Variants in ANO9 observed in about 807,000 individuals in gnomAD.
ANO9 encodes anoctamin 9.
Under a neutral mutation model 100.5 loss-of-function variants are expected in ANO9, and 80 were observed. The observed-to-expected ratio is 0.80, with a 90% CI of 0.66 to 0.96. The LOEUF (loss-of-function observed/expected upper bound fraction) is 0.96, where lower values mean the gene tolerates loss of function less well. Among genes scored for constraint, ANO9 ranks in the 40% least tolerant of loss-of-function variants. The pLI is 0.00. For missense variants in ANO9, 1,064 were observed against 1,072.7 expected (o/e 0.99, Z 0.11); for synonymous variants, 473 against 435.6 (o/e 1.09, Z -1.07).
intron 1 of ANO9, among the ~76,000 whole-genome samples, chr11:439,481 G>A (rs1406786059): frequency 7.6e-6 from 1 of 132,162 alleles, no homozygotes; most frequent in African/African-American, 3.0e-5. Context: ...CTGGCCAGGG[G>A]GTCCCATGAC....
rs1847976029 is a variant in ANO9 at position 418,549 on chromosome 11, A to C, written c.2171T>G (p.Val724Gly). 5.6e-6 allele frequency: 9 copies of C among 1,613,066 alleles called. No homozygotes were observed. The highest frequency in any genetic ancestry group is 6.8e-6 in the Non-Finnish European group (8 of 1,179,996). ...CTTCACCGACTGAGGGATGTCGGGC[A>C]CGAACCAGGCGGCGATGAGCTTGAT... ...LCIKLIAAWF[V>G]PDIPQSVKNK... The change falls in exon 23 of 23, where the codon GTG becomes GGG. Residue 724 changes from valine to glycine, a missense_variant. By Grantham distance (109) the Val-to-Gly change is moderately radical. Coordinates refer to ENST00000332826, the MANE Select transcript of ANO9 (RefSeq NM_001012302.3).
chr11:418,909 G>A lies in ANO9; in HGVS notation c.2015C>T (p.Ser672Leu). 2 of 1,613,620 alleles carry A rather than the reference G, an allele frequency of 1.2e-6. No individual in the cohort carries two copies. The highest frequency in any genetic ancestry group is 1.7e-6 in the Non-Finnish European group (2 of 1,179,922). The change falls in exon 21 of 23, where the codon TCA (serine) becomes TTA (leucine). Residue 672 changes from serine (S) to leucine (L), a missense_variant. Physicochemically the swap from Ser to Leu is moderately radical, Grantham distance 145. Transcript: ENST00000332826. ...DFQDPDGIEGSENVTLCRYRD... is the reference protein window; with the variant it reads ...DFQDPDGIEGLENVTLCRYRD... Reference sequence around the variant, plus strand: ...AAACCTGCACAGAGTCACGTTTTCTGAGCCCTCAATCCCATCAGGGTCCTG... The same window carrying A: ...AAACCTGCACAGAGTCACGTTTTCTAAGCCCTCAATCCCATCAGGGTCCTG...
Position 432,414 on chromosome 11 carries a change from A to C in ANO9, c.351-360T>G. 4 of 335,284 alleles carry C rather than the reference A, an allele frequency of 1.2e-5. No individual in the cohort carries two copies. Among genetic ancestry groups the C allele is most frequent in the South Asian group, 1.1e-4 (3 of 26,712 alleles). The allele number at this position is 335,284 out of a possible 1,614,324, so 20.8% of individuals were successfully genotyped here. On this transcript the variant is annotated intron_variant, in intron 4 of 22. Coordinates refer to ENST00000332826, the MANE Select transcript of ANO9 (RefSeq NM_001012302.3). The surrounding 1 kb of genome is among the most constrained non-coding windows in gnomAD (Gnocchi z 4.8). ...CACACCCCAGCCTGCATCCGCACAC[A>C]CCCTCCTTATACCCTGGAGCTGTTC... is the stretch of plus-strand genomic sequence containing the variant.
In ANO9 at chr11:418,410, G is replaced by T. The variant is rs780639477; in HGVS notation, c.2310C>A (p.Thr770=). The T allele has an allele frequency of 6.2e-7, 1 of 1,612,332 alleles. No homozygotes were observed. Among genetic ancestry groups the T allele is most frequent in the South Asian group, 1.1e-5 (1 of 91,066 alleles). The change falls in exon 23 of 23, where the codon ACC becomes ACA. Residue 770 remains threonine (T), a synonymous_variant. Coordinates refer to ENST00000332826, the MANE Select transcript of ANO9 (RefSeq NM_001012302.3). Reference sequence around the variant, plus strand: ...TCCTGGCACTGAAGATGGATGCTGGGGTGGGATGGGCAGGCATTGGGGGCC... The same window carrying T: ...TCCTGGCACTGAAGATGGATGCTGGTGTGGGATGGGCAGGCATTGGGGGCC... ...GSRPPMPAHP[T]PASIFSARST...
chr11:439,847 G>C (rs570476741), intron 1 of ANO9, among the ~76,000 whole-genome samples: 1 of 152,142 alleles, frequency 6.6e-6, no homozygotes, highest in South Asian at 2.1e-4. Flanking sequence ...CCCTCCAGCT[G>C]TCCAGTCTGT....
At chr11:427,206 TG>T (rs1848568264) in intron 15 of ANO9, among the ~76,000 whole-genome samples, 1 of 151,880 alleles carries the variant, frequency 6.6e-6, no homozygotes, top group South Asian at 2.1e-4. Context: ...AAAAATTAGC[TG>T]GGTGTGGTGG....
rs1848750421 is a variant in ANO9 at position 429,469 on chromosome 11, C to T, written c.915+101G>A. 59 of 1,534,032 alleles carry T rather than the reference C, an allele frequency of 3.8e-5. No homozygotes were observed. The South Asian group carries it at 6.5e-4, about 17-fold the overall frequency. ...CATGTGGGGAGACAGACTCGGGACA[C>T]ACACCTCAGACACGGCAGGCATATG... is the stretch of plus-strand genomic sequence containing the variant. On this transcript the variant is annotated intron_variant, in intron 11 of 22. Transcript: ENST00000332826.
At chr11:426,417 G>GA (rs1441915090) in intron 15 of ANO9, among the ~76,000 whole-genome samples, 1 of 151,764 alleles carries the variant, frequency 6.6e-6, no homozygotes. Flanking sequence ...ACAAAAAATA[G>GA]AAAAAATTAG....
rs1490748860 is a variant in ANO9 at position 429,647 on chromosome 11, C to T, written c.838G>A (p.Val280Met). Residue 280 changes from valine to methionine, a missense_variant, in exon 11 of 23, where the codon GTG (valine) becomes ATG (methionine). Coordinates refer to ENST00000332826, the MANE Select transcript of ANO9 (RefSeq NM_001012302.3). ...TGCCGCTTCCAGATCTCCAGGAACACCGTGGCTGCGGCGGGGGCAAGGAGG... is the reference window on the plus strand; with the variant it reads ...TGCCGCTTCCAGATCTCCAGGAACATCGTGGCTGCGGCGGGGGCAAGGAGG... ...FAIFMALWAT[V>M]FLEIWKRQRA... The T allele has an allele frequency of 8.1e-6, 13 of 1,612,628 alleles. No homozygotes were observed. Among genetic ancestry groups the T allele is most frequent in the Non-Finnish European group, 1.1e-5 (13 of 1,179,882 alleles).
rs775677119 is a variant in ANO9, at chr11:429,551, G to A, written c.915+19C>T. On this transcript the variant is annotated intron_variant, in intron 11 of 22. Transcript: ENST00000332826. ...CCCTGCTCGGGTCGGCCTCAGCTGC[G>A]CTGCCAGCTCCACCTCACCTGTTCC... 5 of 1,611,822 alleles carry A rather than the reference G, an allele frequency of 3.1e-6. No individual in the cohort carries two copies. The highest frequency in any genetic ancestry group is 2.2e-5 in the South Asian group (2 of 91,042).
At position 421,257 on chromosome 11, in the gene ANO9, G is replaced by T; in HGVS notation, c.1335-59C>A. ...GCAGCGCCCTGCCTCTGACAGGGTG[G>T]GTGCAGCAGGACAGAAGCGGGTAGG... On this transcript the variant is annotated intron_variant, in intron 15 of 22. Transcript: ENST00000332826. The surrounding 1 kb of genome is among the most constrained non-coding windows in gnomAD (Gnocchi z 6.8). The T allele has an allele frequency of 1.4e-6, 2 of 1,446,166 alleles. No homozygotes were observed. The highest frequency in any genetic ancestry group is 1.8e-6 in the Non-Finnish European group (2 of 1,091,670). The allele number at this position is 1,446,166 out of a possible 1,614,324, so 89.6% of individuals were successfully genotyped here. A position where few individuals can be genotyped will look rare whatever the true frequency, so the allele number is the denominator to read the frequency against.
Position 420,961 on chromosome 11 carries a change from C to G in ANO9, c.1474G>C (p.Val492Leu), listed in dbSNP as rs763296645. Residue 492 changes from valine to leucine, a missense_variant, in exon 17 of 23, where the codon GTC (valine) becomes CTC (leucine). By Grantham distance (32) the Val-to-Leu change is conservative (BLOSUM62 1). Coordinates refer to ENST00000332826, the MANE Select transcript of ANO9 (RefSeq NM_001012302.3). ...GGCACTCACGGGACCAGGTACTCGA[C>G]GCAGTTGCTGAGCGTCTGCTTCAGG... ...MGLKQTLSNCVEYLVPWVTHK... is the reference protein window; with the variant it reads ...MGLKQTLSNCLEYLVPWVTHK... 1 of 1,605,302 alleles carries G rather than the reference C, an allele frequency of 6.2e-7. No individual in the cohort carries two copies. The highest frequency in any genetic ancestry group is 1.1e-5 in the South Asian group (1 of 90,872).
intron 1 of ANO9, among the ~76,000 whole-genome samples, chr11:434,343 C>T (rs1052742670): frequency 2.0e-5 from 3 of 152,172 alleles, no homozygotes; most frequent in Admixed American, 6.5e-5. Flanking sequence ...AAAGGGAAGA[C>T]GCAGCCCACA....
At chr11:427,639 G>A (rs565004511) in intron 15 of ANO9, among the ~76,000 whole-genome samples, 1 of 152,216 alleles carries the variant, frequency 6.6e-6, no homozygotes, top group South Asian at 2.1e-4. Context: ...GACCCAGGAG[G>A]TCAAGACTGC....
At position 418,739 on chromosome 11, in the gene ANO9, G is replaced by A. The variant is rs750166102; in HGVS notation, c.2111C>T (p.Ala704Val). The A allele has an allele frequency of 6.2e-7, 1 of 1,613,020 alleles. No homozygotes were observed. The highest frequency in any genetic ancestry group is 8.5e-7 in the Non-Finnish European group (1 of 1,180,014). ...GCTCACCTCAAAGAGGATGACGAAG[G>A]CCAGGCGGATGGCCAGGAGGAACCA... ...QFWFLLAIRLAFVILFEHVAL... is the reference protein window; with the variant it reads ...QFWFLLAIRLVFVILFEHVAL... Residue 704 changes from alanine (A) to valine (V), a missense_variant, in exon 22 of 23, where the codon GCC (alanine) becomes GTC (valine). Ala to Val is a moderately conservative substitution (Grantham distance 64). Coordinates refer to ENST00000332826, the MANE Select transcript of ANO9 (RefSeq NM_001012302.3).
rs1848743993 is a variant in ANO9, at chr11:429,392, G to A, written c.915+178C>T. 36 of 1,422,416 alleles carry A rather than the reference G, an allele frequency of 2.5e-5. No homozygotes were observed. In the South Asian group the frequency reaches 4.6e-4, roughly 18 times the overall value. The allele number at this position is 1,422,416 out of a possible 1,614,324, so 88.1% of individuals were successfully genotyped here. A position where few individuals can be genotyped will look rare whatever the true frequency, so the allele number is the denominator to read the frequency against. ...GGGACACTCACCCCACACGTGGGGAGACAGACACAGGGACACGCCTCACAG... is the reference window on the plus strand; with the variant it reads ...GGGACACTCACCCCACACGTGGGGAAACAGACACAGGGACACGCCTCACAG... On this transcript the variant is annotated intron_variant, in intron 11 of 22. Coordinates refer to ENST00000332826, the MANE Select transcript of ANO9 (RefSeq NM_001012302.3).
At chr11:441,158 G>A (rs1371452498) in intron 1 of ANO9, among the ~76,000 whole-genome samples, 1 of 152,142 alleles carries the variant, frequency 6.6e-6, no homozygotes, top group Admixed American at 6.5e-5. Context: ...CAGCCCACAC[G>A]TGGAGGCCCT....
In ANO9 at chr11:421,204, G is replaced by C; in HGVS notation, c.1335-6C>G. 1 of 1,539,294 alleles carries C rather than the reference G, an allele frequency of 6.5e-7. No homozygotes were observed. Among genetic ancestry groups the C allele is most frequent in the Non-Finnish European group, 8.8e-7 (1 of 1,140,278 alleles). ...TCCCGGGGTGGCCGTTGATCCTGGG[G>C]AGGAAGGGGAAGTCTGGGGCACTGC... On this transcript the variant is annotated splice_region_variant and splice_polypyrimidine_tract_variant and intron_variant, in intron 15 of 22. Coordinates refer to ENST00000332826, the MANE Select transcript of ANO9 (RefSeq NM_001012302.3). This position sits in a 1 kb window ranked among gnomAD's most constrained non-coding sequence, Gnocchi z 6.8.
At position 434,082 on chromosome 11, in the gene ANO9, C is replaced by T. The variant is rs570161702; in HGVS notation, c.23G>A (p.Arg8Gln). Residue 8 changes from arginine (R) to glutamine (Q), a missense_variant, in exon 2 of 23, where the codon CGG (arginine) becomes CAG (glutamine). Coordinates refer to ENST00000332826, the MANE Select transcript of ANO9 (RefSeq NM_001012302.3). The part of the protein sequence containing the change: MQGEESL[R>Q]ILVEPEGDSF... ...GTCCCCTTCGGGCTCCACCAGGATCCGGAGGCTCTCTTCGCCCTGGGGGTT... is the reference window on the plus strand; with the variant it reads ...GTCCCCTTCGGGCTCCACCAGGATCTGGAGGCTCTCTTCGCCCTGGGGGTT... The T allele has an allele frequency of 1.0e-5, 16 of 1,550,544 alleles. No homozygotes were observed. In the African/African-American group the frequency reaches 1.9e-4, roughly 19 times the overall value.
Sources: allele counts gnomAD v4.1 joint callset (sites outside exome capture counted in the v4.1 genomes callset), GRCh38; gene constraint gnomAD v4.1.1; non-coding constraint Gnocchi (gnomAD v3.1); transcripts MANE v1.5; gene names NCBI Gene and HGNC (gene_info 2026-07-23, HGNC 2026-07-21).